The following KIF21A variants were observed in gnomAD, a reference collection of about 807,000 sequenced individuals.
KIF21A encodes kinesin-like protein KIF21A.
Under a neutral mutation model 202.9 loss-of-function variants are expected in KIF21A, and 114 were observed. That is an observed-to-expected ratio of 0.56 (90% CI 0.48 to 0.66). The LOEUF (loss-of-function observed/expected upper bound fraction) is 0.66, where lower values mean the gene tolerates loss of function less well. KIF21A is among the 30% of genes least tolerant of loss of function. KIF21A has a pLI of 0.00. For synonymous variants in KIF21A, 667 were observed against 670.8 expected, an observed-to-expected ratio of 0.99 and a Z score of 0.09; for missense variants, 1,677 against 1,994.9, an observed-to-expected ratio of 0.84 and a Z score of 3.04.
At chr12:39,403,292 T>C (rs1952318792) in intron 1 of KIF21A, among the ~76,000 whole-genome samples, 1 of 152,200 alleles carries the variant, frequency 6.6e-6, no homozygotes, top group Non-Finnish European at 1.5e-5. Context: ...AGTCTACAGT[T>C]TGTAAGACAA....
intron 1 of KIF21A, among the ~76,000 whole-genome samples, chr12:39,383,725 G>T (rs1950764636): frequency 1.3e-5 from 2 of 152,170 alleles, no homozygotes; most frequent in African/African-American, 2.4e-5. Context: ...CTTGAGCTCA[G>T]GAGTTCAAGG....
intron 12 of KIF21A, among the ~76,000 whole-genome samples, chr12:39,344,258 T>C (rs1947701199): frequency 6.6e-6 from 1 of 152,128 alleles, no homozygotes; most frequent in Admixed American, 6.6e-5. Context: ...AAGATGAAAA[T>C]CTAGAAAGAA....
At chr12:39,408,530 TTG>T (rs1314052587) in intron 1 of KIF21A, among the ~76,000 whole-genome samples, 11 of 152,082 alleles carry the variant, frequency 7.2e-5, no homozygotes, top group African/African-American at 2.2e-4. Flanking sequence ...AAGAGAAAAT[TTG>T]AACCTATAAA....
At chr12:39,351,462 G>A (rs1948374544) in intron 11 of KIF21A, among the ~76,000 whole-genome samples, 1 of 152,008 alleles carries the variant, frequency 6.6e-6, no homozygotes, top group African/African-American at 2.4e-5. Context: ...GGTACAGCAA[G>A]CTTTGCTGAA....
chr12:39,342,156 A>C, intron 12 of KIF21A, 32 bp from the exon 13 acceptor site: 1 of 1,429,470 alleles, frequency 7.0e-7, no homozygotes. Context: ...TATGGTGTTA[A>C]AATAGAAAGG....
In KIF21A at chr12:39,342,059, T is replaced by C; in HGVS notation, c.1778A>G (p.Glu593Gly). 2 of 1,611,106 alleles carry C rather than the reference T, an allele frequency of 1.2e-6. No individual in the cohort carries two copies. Among genetic ancestry groups the C allele is most frequent in the Non-Finnish European group, 1.7e-6 (2 of 1,177,608 alleles). ...CACTTCTAATTCATTGTTTTCTCTT[T>C]CCGAAACACCCTTTTCTTCTTTCTT... is the stretch of plus-strand genomic sequence containing the variant. Reference protein sequence around the residue: ...QEKKEEKGVSERENNELEVEE... With the variant: ...QEKKEEKGVSGRENNELEVEE... Residue 593 changes from glutamate to glycine, a missense_variant, in exon 13 of 38, where the codon GAA becomes GGA. Physicochemically the swap from Glu to Gly is moderately conservative, Grantham distance 98. This residue lies in a region of KIF21A where 966 missense variants were observed against 1,180.9 expected (regional missense o/e 0.82). Coordinates refer to ENST00000361418, the MANE Select transcript of KIF21A (RefSeq NM_001173464.2).
At position 39,398,471 on chromosome 12, in the gene KIF21A, T is replaced by G. The variant is rs562914985; in HGVS notation, c.45-28210A>C. On this transcript the variant is annotated intron_variant, in intron 1 of 37. Transcript: ENST00000361418. ...TAAAAATTAAACAGGCATAGTGGCA[T>G]GCGCCTGTAGTCCCAGCTACTCAGG... 5.9e-5 allele frequency among the ~76,000 whole-genome samples: 9 copies of G among 152,254 alleles called. 1 individual carries two copies. The South Asian group carries it at 1.5e-3, about 25-fold the overall frequency.
chr12:39,306,852 T>C (rs1034244891), intron 34 of KIF21A, among the ~76,000 whole-genome samples: 2 of 152,170 alleles, frequency 1.3e-5, no homozygotes, highest in Non-Finnish European at 2.9e-5. Context: ...TCTGTCTTTA[T>C]TCCTAGTACT....
At chr12:39,347,609 G>A (rs1427919144) in intron 11 of KIF21A, among the ~76,000 whole-genome samples, 1 of 151,774 alleles carries the variant, frequency 6.6e-6, no homozygotes, top group Non-Finnish European at 1.5e-5. Context: ...CTTATTTATT[G>A]GTCTGTGATT....
intron 17 of KIF21A, among the ~76,000 whole-genome samples, chr12:39,336,487 T>A (rs990100049): frequency 4.6e-5 from 7 of 152,214 alleles, no homozygotes; most frequent in African/African-American, 1.7e-4. Flanking sequence ...ATAAATGGAA[T>A]GTACCATAAT....
In KIF21A at chr12:39,301,775, T is replaced by C. The variant is rs186289704; in HGVS notation, c.4732-96A>G. ...CTGAAAAACATTTTATTGCCAAAAC[T>C]TGATATTTGGAATTGGCTGGAGAAA... On this transcript the variant is annotated intron_variant, in intron 36 of 37. Coordinates refer to ENST00000361418, the MANE Select transcript of KIF21A (RefSeq NM_001173464.2). 1.4e-4 allele frequency: 153 copies of C among 1,068,134 alleles called. 1 individual carries two copies. In the Admixed American group the frequency reaches 2.6e-3, roughly 18 times the overall value. 66.2% of individuals were successfully genotyped at this position (1,068,134 alleles called of 1,614,324 possible).
chr12:39,364,686 G>T (rs1443334368), intron 6 of KIF21A, among the ~76,000 whole-genome samples: 1 of 152,164 alleles, frequency 6.6e-6, no homozygotes, highest in East Asian at 1.9e-4. Context: ...AGTGAGACAA[G>T]TATGACAGTG....
At chr12:39,337,915 A>G (rs916045572) in intron 16 of KIF21A, among the ~76,000 whole-genome samples, 1 of 152,194 alleles carries the variant, frequency 6.6e-6, no homozygotes, top group Admixed American at 6.5e-5. Flanking sequence ...TATAGTCCAC[A>G]CAATTATGTA....
At chr12:39,408,753 G>A (rs923668266) in intron 1 of KIF21A, among the ~76,000 whole-genome samples, 1 of 151,936 alleles carries the variant, frequency 6.6e-6, no homozygotes, top group Non-Finnish European at 1.5e-5. Context: ...CATAACACAT[G>A]TATAATTAGA....
chr12:39,322,476 CA>C, intron 27 of KIF21A, 191 bp downstream of exon 27: 1 of 519,984 alleles, frequency 1.9e-6, no homozygotes, highest in Non-Finnish European at 3.3e-6. Context: ...AGCAATTCAA[CA>C]AAGGACATCT....
At chr12:39,388,675 C>T (rs1316151814) in intron 1 of KIF21A, among the ~76,000 whole-genome samples, 3 of 152,186 alleles carry the variant, frequency 2.0e-5, no homozygotes, top group African/African-American at 7.2e-5. Flanking sequence ...AGTCTATAAT[C>T]TAACTTACAC....
intron 31 of KIF21A, 41 bp from the exon 32 acceptor site, chr12:39,311,594 GTATCATGAGACTA>G (rs762558629): frequency 1.2e-5 from 20 of 1,608,564 alleles, no homozygotes; most frequent in South Asian, 9.9e-5. Context: ...ACTCACTTCA[GTATCATGAGACTA>G]TATCATGAGA....
At chr12:39,403,896 T>C (rs557262403) in intron 1 of KIF21A, among the ~76,000 whole-genome samples, 2 of 152,154 alleles carry the variant, frequency 1.3e-5, no homozygotes, top group Non-Finnish European at 2.9e-5. Context: ...TAATGTTGAG[T>C]TAATATGAAT....
chr12:39,341,672 T>C (rs760309732), intron 13 of KIF21A, 50 bp from the exon 14 acceptor site: 3 of 1,548,572 alleles, frequency 1.9e-6, no homozygotes, highest in Non-Finnish European at 2.6e-6. Context: ...CAAAACAAAC[T>C]GACTCCCTCA....
Sources: gnomAD v4.1 joint callset for allele counts (sites outside exome capture counted in the v4.1 genomes callset) on GRCh38, gnomAD v4.1.1 for gene constraint, gnomAD v4.1.1 regional missense constraint, MANE v1.5 for transcripts, NCBI Gene and HGNC (gene_info 2026-07-23, HGNC 2026-07-21) for gene names.